The following VPS37C variants were observed in gnomAD, a reference collection of about 807,000 sequenced individuals.
VPS37C encodes vacuolar protein sorting-associated protein 37C.
Under a neutral mutation model 16.1 loss-of-function variants are expected in VPS37C, and 9 were observed. The observed-to-expected ratio is 0.56, with a 90% confidence interval of 0.34 to 0.97. The LOEUF (loss-of-function observed/expected upper bound fraction) is 0.97, where lower values mean the gene tolerates loss of function less well. Ranked by LOEUF, VPS37C falls within the 50% of genes least tolerant of loss-of-function variation. The probability of loss-of-function intolerance (pLI) is 0.02; values close to 1 mark genes in which losing one functional copy is unlikely to be tolerated. For synonymous variants in VPS37C, 207 were observed against 206.4 expected (o/e 1.00, Z -0.02); for missense variants, 479 against 472.7 (o/e 1.01, Z -0.12).
intron 2 of VPS37C, among the ~76,000 whole-genome samples, chr11:61,135,237 G>A (rs375052803): frequency 1.9e-4 from 29 of 152,314 alleles, no homozygotes; most frequent in African/African-American, 5.3e-4. Context: ...TGGAAGAGGC[G>A]GCCTCGGGGA....
chr11:61,148,094 T>A (rs1590791321), intron 1 of VPS37C, among the ~76,000 whole-genome samples: 1 of 152,180 alleles, frequency 6.6e-6, no homozygotes, highest in Non-Finnish European at 1.5e-5. Flanking sequence ...TTATTCCACC[T>A]CCTGGCGTTA....
intron 1 of VPS37C, among the ~76,000 whole-genome samples, chr11:61,157,756 G>A (rs1416715400): frequency 6.6e-6 from 1 of 152,204 alleles, no homozygotes; most frequent in Non-Finnish European, 1.5e-5. Context: ...ATACAGCTTG[G>A]ATATTTGTCT....
chr11:61,131,854 G>A lies in VPS37C; in HGVS notation c.1034C>T (p.Pro345Leu). 2 of 1,263,974 alleles carry A rather than the reference G, an allele frequency of 1.6e-6. No homozygotes were observed. Among genetic ancestry groups the A allele is most frequent in the Non-Finnish European group, 2.0e-6 (2 of 999,074 alleles). The allele number at this position is 1,263,974 out of a possible 1,614,324, so 78.3% of individuals were successfully genotyped here. A position where few individuals can be genotyped will look rare whatever the true frequency, so the allele number is the denominator to read the frequency against. ...AGGCCAGGCAGGCCCCGGCGGTGGT[G>A]GGAACCCATAGGGAGGGGCGGGCCC... ...PPGPAPPYGF[P>L]PPPGPAWPGY Residue 345 changes from proline to leucine, a missense_variant, in exon 5 of 5, where the codon CCA (proline) becomes CTA (leucine). Transcript: ENST00000301765.
chr11:61,154,169 T>G (rs1021522039), intron 1 of VPS37C, among the ~76,000 whole-genome samples: 1 of 151,944 alleles, frequency 6.6e-6, no homozygotes, highest in Non-Finnish European at 1.5e-5. Flanking sequence ...AAGGTAAAAT[T>G]CACAACATCT....
chr11:61,133,441 G>C (rs1861309286), intron 3 of VPS37C, 104 bp from the exon 4 acceptor site: 1 of 1,184,558 alleles, frequency 8.4e-7, no homozygotes, highest in African/African-American at 1.5e-5. Flanking sequence ...AGCCACCACA[G>C]CAGGGTCCAC....
intron 2 of VPS37C, 34 bp downstream of exon 2, chr11:61,138,703 G>T (rs749755000): frequency 6.2e-7 from 1 of 1,601,056 alleles, no homozygotes; most frequent in South Asian, 1.1e-5. Flanking sequence ...TCATCTGCTG[G>T]CCTCTGTTGG....
chr11:61,158,783 T>A (rs535998066), intron 1 of VPS37C, among the ~76,000 whole-genome samples: 1 of 152,360 alleles, frequency 6.6e-6, no homozygotes, highest in South Asian at 2.1e-4. Flanking sequence ...ACAAACCTGT[T>A]TGATATTTGC....
At chr11:61,136,369 T>A (rs1374253183) in intron 2 of VPS37C, among the ~76,000 whole-genome samples, 1 of 152,102 alleles carries the variant, frequency 6.6e-6, no homozygotes, top group Non-Finnish European at 1.5e-5. Flanking sequence ...AGATGGGGTT[T>A]CACCATGTTG....
rs1406262745 is a variant in VPS37C, at chr11:61,131,970, T to C, written c.918A>G (p.Gly306=). 22 of 1,312,336 alleles carry C rather than the reference T, an allele frequency of 1.7e-5. No individual in the cohort carries two copies. The highest frequency in any genetic ancestry group is 2.1e-5 in the Non-Finnish European group (22 of 1,024,188). The allele number at this position is 1,312,336 out of a possible 1,614,324, so 81.3% of individuals were successfully genotyped here. A position where few individuals can be genotyped will look rare whatever the true frequency, so the allele number is the denominator to read the frequency against. ...YPQQSPYPAT[G]GKPPYPIQPQ... is the part of the protein sequence containing the mutation. ...GCTGTATTGGGTAGGGAGGTTTTCCTCCTGTTGCGGGGTATGGGGACTGTT... is the reference window on the plus strand; with the variant it reads ...GCTGTATTGGGTAGGGAGGTTTTCCCCCTGTTGCGGGGTATGGGGACTGTT... The change falls in exon 5 of 5, where the codon GGA becomes GGG. Residue 306 remains glycine, a synonymous_variant. Transcript: ENST00000301765.
At position 61,159,024 on chromosome 11, in the gene VPS37C, G is replaced by C. The variant is rs1853421999; in HGVS notation, c.-7+2367C>G. On this transcript the variant is annotated intron_variant, in intron 1 of 4. Coordinates refer to ENST00000301765, the MANE Select transcript of VPS37C (RefSeq NM_017966.5). ...ATTTCCACACAACAGAGATCCAGCTGGATTAAAAGAGCTAAATCCATTAAA... is the reference window on the plus strand; with the variant it reads ...ATTTCCACACAACAGAGATCCAGCTCGATTAAAAGAGCTAAATCCATTAAA... 4.6e-5 allele frequency among the ~76,000 whole-genome samples: 7 copies of C among 152,238 alleles called. No homozygotes were observed. The South Asian group carries it at 1.5e-3, about 32-fold the overall frequency.
intron 1 of VPS37C, among the ~76,000 whole-genome samples, chr11:61,150,836 C>T (rs181841226): frequency 1.3e-5 from 2 of 152,116 alleles, no homozygotes; most frequent in African/African-American, 2.4e-5. Context: ...CAGGCCTTAC[C>T]GCCTCCTGCC....
chr11:61,150,955 G>A (rs893298195), intron 1 of VPS37C, among the ~76,000 whole-genome samples: 2 of 152,142 alleles, frequency 1.3e-5, no homozygotes, highest in Non-Finnish European at 2.9e-5. Context: ...CGGGTGTTCC[G>A]TACACAGCAA....
rs574175177 is a variant in VPS37C, at chr11:61,132,644, T to C, written c.349-105A>G. ...TGCAGCCCTCCCACCTCACGCCGCC[T>C]CAGGCACCCCCTCCTCTTCCCTGCC... On this transcript the variant is annotated intron_variant, in intron 4 of 4. Coordinates refer to ENST00000301765, the MANE Select transcript of VPS37C (RefSeq NM_017966.5). The C allele has an allele frequency of 3.7e-3, 5,368 of 1,450,626 alleles. 20 individuals carry two copies. The highest frequency in any genetic ancestry group is 4.3e-3 in the Non-Finnish European group (4,703 of 1,087,142). The allele number at this position is 1,450,626 out of a possible 1,614,324, so 89.9% of individuals were successfully genotyped here.
intron 1 of VPS37C, among the ~76,000 whole-genome samples, chr11:61,154,241 A>G (rs1221490193): frequency 6.6e-6 from 1 of 152,260 alleles, no homozygotes; most frequent in African/African-American, 2.4e-5. Flanking sequence ...ATAATGAGGG[A>G]AGCAATAGAA....
At chr11:61,138,939 G>A (rs190546518) in intron 1 of VPS37C, 104 bp from the exon 2 acceptor site, 86 of 1,042,720 alleles carry the variant, frequency 8.2e-5, no homozygotes, top group Admixed American at 1.3e-4. Context: ...GTTTTCCTGC[G>A]ATAATACCAC....
At chr11:61,148,080 TAA>T (rs1373494525) in intron 1 of VPS37C, among the ~76,000 whole-genome samples, 1 of 152,116 alleles carries the variant, frequency 6.6e-6, no homozygotes, top group African/African-American at 2.4e-5. Context: ...TGAACAAATA[TAA>T]ATTATTCCAC....
In VPS37C at chr11:61,132,040, C is replaced by G; in HGVS notation, c.848G>C (p.Gly283Ala). ...PGTPMGASGP[G>A]YPLRGGRAPS... is the part of the protein sequence containing the mutation. ...GGCCCTGCCTCCCCGCAAGGGGTACCCAGGCCCAGAGGCACCCATTGGGGT... is the reference window on the plus strand; with the variant it reads ...GGCCCTGCCTCCCCGCAAGGGGTACGCAGGCCCAGAGGCACCCATTGGGGT... The change falls in exon 5 of 5, where the codon GGG becomes GCG. Residue 283 changes from glycine to alanine, a missense_variant. By Grantham distance (60) the Gly-to-Ala change is moderately conservative. Coordinates refer to ENST00000301765, the MANE Select transcript of VPS37C (RefSeq NM_017966.5). The G allele has an allele frequency of 1.4e-6, 2 of 1,382,862 alleles. No homozygotes were observed. The highest frequency in any genetic ancestry group is 1.9e-6 in the Non-Finnish European group (2 of 1,064,370). The allele number at this position is 1,382,862 out of a possible 1,614,324, so 85.7% of individuals were successfully genotyped here.
At chr11:61,153,059 T>G (rs1183999573) in intron 1 of VPS37C, among the ~76,000 whole-genome samples, 1 of 152,242 alleles carries the variant, frequency 6.6e-6, no homozygotes, top group African/African-American at 2.4e-5. Flanking sequence ...CGTGTTTGTT[T>G]CTGCATCCCA....
intron 1 of VPS37C, among the ~76,000 whole-genome samples, chr11:61,148,991 G>A (rs1420796566): frequency 6.6e-6 from 1 of 152,222 alleles, no homozygotes; most frequent in Non-Finnish European, 1.5e-5. Flanking sequence ...TTAAGACTAC[G>A]TGAAGAGGGG....
Sources: allele counts gnomAD v4.1 joint callset (sites outside exome capture counted in the v4.1 genomes callset), GRCh38; gene constraint gnomAD v4.1.1; transcripts MANE v1.5; gene names NCBI Gene and HGNC (gene_info 2026-07-23, HGNC 2026-07-21).